Variants in NAALADL2 observed in about 807,000 individuals in gnomAD.
NAALADL2 encodes the protein N-acetylated alpha-linked acidic dipeptidase like 2, also known as inactive N-acetylated-alpha-linked acidic dipeptidase-like protein 2.
A neutral mutation model predicts 87.2 loss-of-function variants in NAALADL2; 76 were observed. The observed-to-expected ratio is 0.87, with a 90% CI of 0.72 to 1.05. NAALADL2 has a LOEUF of 1.05. Among genes scored for constraint, NAALADL2 ranks in the 50% least tolerant of loss-of-function variants. NAALADL2 has a pLI of 0.00. For synonymous variants in NAALADL2, 354 were observed against 331.0 expected (o/e 1.07, Z -0.75); for missense variants, 1,089 against 945.8 (o/e 1.15, Z -1.99).
intron 3 of NAALADL2, among the ~76,000 whole-genome samples, chr3:174,828,623 T>C (rs1414723709): frequency 2.6e-5 from 4 of 152,326 alleles, no homozygotes; most frequent in South Asian, 2.1e-4. Context: ...TCATTTCTTA[T>C]CTCTGTATAT....
chr3:175,212,025 C>T (rs972404191), intron 2 of NAALADL2, among the ~76,000 whole-genome samples: 3 of 151,920 alleles, frequency 2.0e-5, no homozygotes, highest in Non-Finnish European at 4.4e-5. Flanking sequence ...ATCATTCAGA[C>T]GCACCTGTGG....
At chr3:174,696,593 TAAAAAAA>T (rs62946360) in intron 2 of NAALADL2, among the ~76,000 whole-genome samples, 1 of 110,524 alleles carries the variant, frequency 9.0e-6, no homozygotes, top group African/African-American at 3.8e-5. Context: ...TGTAGTTATC[TAAAAAAA>T]AAAAAAAAAA....
At chr3:174,802,994 C>T (rs561841592) in intron 3 of NAALADL2, among the ~76,000 whole-genome samples, 1 of 152,204 alleles carries the variant, frequency 6.6e-6, no homozygotes, top group East Asian at 1.9e-4. Flanking sequence ...TGGGTATATA[C>T]CTAGTAATGG....
intron 2 of NAALADL2, among the ~76,000 whole-genome samples, chr3:174,708,215 A>C (rs1730281765): frequency 6.6e-6 from 1 of 152,116 alleles, no homozygotes; most frequent in Non-Finnish European, 1.5e-5. Flanking sequence ...TGTCAATGGG[A>C]AGCTATGGGT....
intron 9 of NAALADL2, among the ~76,000 whole-genome samples, chr3:175,573,030 AATG>A (rs1408277740): frequency 6.6e-6 from 1 of 152,218 alleles, no homozygotes; most frequent in Non-Finnish European, 1.5e-5. Context: ...TTATATAACT[AATG>A]ATGACAATGA....
intron 2 of NAALADL2, among the ~76,000 whole-genome samples, chr3:175,155,067 T>C (rs1732102352): frequency 1.3e-5 from 2 of 152,136 alleles, no homozygotes; most frequent in South Asian, 4.2e-4. Context: ...CGTATGACCT[T>C]GAGGGTTTTA....
At chr3:174,626,922 C>A (rs946463197) in intron 2 of NAALADL2, among the ~76,000 whole-genome samples, 1 of 151,862 alleles carries the variant, frequency 6.6e-6, no homozygotes, top group African/African-American at 2.4e-5. Context: ...ATTAAAAATA[C>A]ATATTATTAA....
At chr3:175,753,943 C>A (rs932295914) in intron 12 of NAALADL2, among the ~76,000 whole-genome samples, 1 of 152,142 alleles carries the variant, frequency 6.6e-6, no homozygotes, top group Non-Finnish European at 1.5e-5. Flanking sequence ...TTGAAGTGAT[C>A]CTCTGTAGTG....
intron 5 of NAALADL2, among the ~76,000 whole-genome samples, chr3:175,333,808 C>T (rs1434227055): frequency 6.6e-6 from 1 of 151,968 alleles, no homozygotes; most frequent in Non-Finnish European, 1.5e-5. Context: ...TTTCATATTT[C>T]AAAATAGCTG....
intron 1 of NAALADL2, among the ~76,000 whole-genome samples, chr3:174,942,602 T>A (rs1738785018): frequency 6.6e-6 from 1 of 152,208 alleles, no homozygotes; most frequent in Non-Finnish European, 1.5e-5. Context: ...GGAGACGTTT[T>A]CATGAATGAT....
chr3:175,265,842 A>G (rs1484658118), intron 4 of NAALADL2, among the ~76,000 whole-genome samples: 1 of 151,514 alleles, frequency 6.6e-6, no homozygotes, highest in Non-Finnish European at 1.5e-5. Context: ...TTTGAAAACA[A>G]TATGCACTCA....
At chr3:175,781,671 G>C (rs1751108341) in intron 13 of NAALADL2, among the ~76,000 whole-genome samples, 2 of 146,950 alleles carry the variant, frequency 1.4e-5, no homozygotes, top group East Asian at 3.9e-4. Context: ...AAAAAAAAAA[G>C]TTTAAAAGGT....
chr3:175,678,885 A>T (rs1205419527), intron 11 of NAALADL2, among the ~76,000 whole-genome samples: 3 of 152,214 alleles, frequency 2.0e-5, no homozygotes, highest in Non-Finnish European at 2.9e-5. Flanking sequence ...ACCACCAAAC[A>T]GGCTTTGTGT....
At chr3:174,706,516 C>T (rs1208647402) in intron 2 of NAALADL2, among the ~76,000 whole-genome samples, 1 of 152,118 alleles carries the variant, frequency 6.6e-6, no homozygotes, top group East Asian at 1.9e-4. Context: ...TAAAAAAGCT[C>T]ACTTAGATTC....
At chr3:175,747,347 T>C (rs1407723926) in intron 12 of NAALADL2, among the ~76,000 whole-genome samples, 1 of 152,220 alleles carries the variant, frequency 6.6e-6, no homozygotes, top group Non-Finnish European at 1.5e-5. Flanking sequence ...TTACCTACAT[T>C]TTATATGTGA....
intron 1 of NAALADL2, among the ~76,000 whole-genome samples, chr3:174,494,053 T>C (rs1332024249): frequency 6.6e-6 from 1 of 151,986 alleles, no homozygotes; most frequent in Non-Finnish European, 1.5e-5. Context: ...GTGGAGAAAG[T>C]ATTAGGGAGA....
At chr3:175,640,113 G>T (rs1464577065) in intron 11 of NAALADL2, among the ~76,000 whole-genome samples, 1 of 152,090 alleles carries the variant, frequency 6.6e-6, no homozygotes, top group Non-Finnish European at 1.5e-5. Context: ...ACAAAGAAAG[G>T]TTATTGCTTT....
At chr3:175,224,868 A>G (rs1303891164) in intron 2 of NAALADL2, among the ~76,000 whole-genome samples, 3 of 152,162 alleles carry the variant, frequency 2.0e-5, no homozygotes, top group Non-Finnish European at 4.4e-5. Flanking sequence ...TTTTGTTTTC[A>G]TACTATCATT....
intron 4 of NAALADL2, among the ~76,000 whole-genome samples, chr3:175,280,062 T>C (rs1754096246): frequency 2.6e-5 from 4 of 152,002 alleles, no homozygotes; most frequent in African/African-American, 9.7e-5. Flanking sequence ...AAATATACCC[T>C]TGGATTTAGA....
Sources: gnomAD v4.1 joint callset for allele counts (sites outside exome capture counted in the v4.1 genomes callset) on GRCh38, gnomAD v4.1.1 for gene constraint, MANE v1.5 for transcripts, NCBI Gene and HGNC (gene_info 2026-07-23, HGNC 2026-07-21) for gene names.